EMCN: variants seen among roughly 807,000 people sequenced by gnomAD.
The protein encoded by EMCN is MUC-14.
EMCN carries 37 observed loss-of-function variants against 38.4 expected under a neutral mutation model. That is an observed-to-expected ratio of 0.96 (90% CI 0.74 to 1.27). EMCN has a LOEUF of 1.27. EMCN is among the 50% of genes most tolerant of loss of function. The pLI, the probability that EMCN is intolerant of heterozygous loss-of-function variation, is 0.00. For synonymous variants in EMCN, 95 were observed against 100.8 expected (o/e 0.94, Z 0.35); for missense variants, 318 against 302.8 (o/e 1.05, Z -0.37).
chr4:100,478,538 AAG>A (rs904634753), intron 2 of EMCN, among the ~76,000 whole-genome samples: 1 of 152,132 alleles, frequency 6.6e-6, no homozygotes, highest in African/African-American at 2.4e-5. Flanking sequence ...CAACCAAATT[AAG>A]AGAGAGAGTG....
chr4:100,503,070 A>C (rs571513859), intron 1 of EMCN, among the ~76,000 whole-genome samples: 1 of 152,214 alleles, frequency 6.6e-6, no homozygotes, highest in East Asian at 1.9e-4. Flanking sequence ...TTGTAACATA[A>C]GTTGGAAAAT....
intron 5 of EMCN, among the ~76,000 whole-genome samples, chr4:100,425,149 G>GCACACACACACACACA (rs57293882): frequency 0.014 from 1,914 of 141,180 alleles, 31 homozygotes; most frequent in East Asian, 0.045. Flanking sequence ...TCTGAATCCA[G>GCACACACACACACACA]CACACACACA....
At chr4:100,451,332 T>C (rs539536830) in intron 4 of EMCN, among the ~76,000 whole-genome samples, 1 of 151,958 alleles carries the variant, frequency 6.6e-6, no homozygotes, top group South Asian at 2.1e-4. Flanking sequence ...TAAAATCTAG[T>C]AGAGGTCCTT....
intron 11 of EMCN, among the ~76,000 whole-genome samples, chr4:100,404,855 GT>G (rs1726351594): frequency 6.6e-6 from 1 of 152,032 alleles, no homozygotes; most frequent in Non-Finnish European, 1.5e-5. Flanking sequence ...AACATGCAAT[GT>G]TTTTCCATTG....
rs187472655 is a variant in EMCN, at chr4:100,439,712, A to G, written c.415+7821T>C. Among the ~76,000 whole-genome samples the G allele has an allele frequency of 1.6e-3, 250 of 151,790 alleles. 1 individual carries two copies. The highest frequency in any genetic ancestry group is 5.8e-3 in the African/African-American group (242 of 41,486). ...TTCTTTTGTTAGTTCCTTGAAGTGT[A>G]ATGTTAGATTACTTATTTGAGATTC... On this transcript the variant is annotated intron_variant, in intron 5 of 11. Coordinates refer to ENST00000296420, the MANE Select transcript of EMCN (RefSeq NM_016242.4).
At chr4:100,423,770 GT>G (rs896339510) in intron 5 of EMCN, among the ~76,000 whole-genome samples, 1 of 151,942 alleles carries the variant, frequency 6.6e-6, no homozygotes, top group South Asian at 2.1e-4. Flanking sequence ...GGGTGATAGT[GT>G]TTTTTTTCTA....
At chr4:100,428,412 C>A (rs1193041073) in intron 5 of EMCN, among the ~76,000 whole-genome samples, 4 of 152,128 alleles carry the variant, frequency 2.6e-5, no homozygotes, top group African/African-American at 9.7e-5. Context: ...TGCTTGTGAT[C>A]CCTTCCTCCT....
chr4:100,426,595 C>A (rs1011795943), intron 5 of EMCN, among the ~76,000 whole-genome samples: 1 of 152,118 alleles, frequency 6.6e-6, no homozygotes, highest in Admixed American at 6.6e-5. Context: ...CTTCTCTGAA[C>A]ATTCAGATTA....
chr4:100,482,483 G>A (rs1728837218), intron 1 of EMCN, among the ~76,000 whole-genome samples: 1 of 152,098 alleles, frequency 6.6e-6, no homozygotes, highest in Admixed American at 6.6e-5. Flanking sequence ...TAGGAGCTAG[G>A]GCTGGAAGAG....
Position 100,497,727 on chromosome 4 carries a change from G to A in EMCN, c.65-17688C>T, listed in dbSNP as rs1217746170. 2.6e-5 allele frequency among the ~76,000 whole-genome samples: 4 copies of A among 151,894 alleles called. No individual in the cohort carries two copies. In the East Asian group the frequency reaches 7.7e-4, roughly 29 times the overall value. ...GTTGAACTTCATTTTTAAGGTCTTG[G>A]ATAATACTAAGGAAAATGACAATAT... On this transcript the variant is annotated intron_variant, in intron 1 of 11. Coordinates refer to ENST00000296420, the MANE Select transcript of EMCN (RefSeq NM_016242.4).
chr4:100,492,624 A>G (rs990996533), intron 1 of EMCN, among the ~76,000 whole-genome samples: 6 of 152,208 alleles, frequency 3.9e-5, no homozygotes, highest in Admixed American at 3.9e-4. Context: ...AACTACCAAA[A>G]CATTAAAGAT....
chr4:100,437,998 A>G (rs1560614714), intron 5 of EMCN, among the ~76,000 whole-genome samples: 1 of 152,050 alleles, frequency 6.6e-6, no homozygotes, highest in Non-Finnish European at 1.5e-5. Flanking sequence ...TTGACATTTT[A>G]ACAATATAAA....
intron 11 of EMCN, among the ~76,000 whole-genome samples, chr4:100,405,582 G>A (rs1199603887): frequency 4.6e-5 from 7 of 152,022 alleles, no homozygotes; most frequent in Admixed American, 3.9e-4. Flanking sequence ...CTTGATCATG[G>A]TGGATTAGCT....
intron 1 of EMCN, among the ~76,000 whole-genome samples, chr4:100,501,604 A>T (rs933105353): frequency 6.6e-6 from 1 of 152,120 alleles, no homozygotes; most frequent in African/African-American, 2.4e-5. Flanking sequence ...TGTATTCCAC[A>T]TACTGGATTG....
At chr4:100,514,287 T>C (rs559040138) in intron 1 of EMCN, among the ~76,000 whole-genome samples, 1 of 152,120 alleles carries the variant, frequency 6.6e-6, no homozygotes, top group East Asian at 1.9e-4. Context: ...CATTTTCCTA[T>C]TTCTGGTATT....
intron 3 of EMCN, among the ~76,000 whole-genome samples, chr4:100,471,559 A>G (rs1578215764): frequency 6.6e-6 from 1 of 152,006 alleles, no homozygotes; most frequent in African/African-American, 2.4e-5. Flanking sequence ...AAAAATTAGT[A>G]GAGAAGGGAA....
intron 1 of EMCN, among the ~76,000 whole-genome samples, chr4:100,501,326 A>T (rs1560643200): frequency 6.6e-6 from 1 of 152,136 alleles, no homozygotes; most frequent in East Asian, 1.9e-4. Context: ...CTGCTCCGTT[A>T]TACCATCTTT....
intron 1 of EMCN, among the ~76,000 whole-genome samples, chr4:100,502,785 G>A (rs756584361): frequency 1.3e-4 from 20 of 152,044 alleles, no homozygotes; most frequent in Non-Finnish European, 2.9e-5. Flanking sequence ...ATTTTTATCA[G>A]CAATAAATAT....
chr4:100,470,842 A>G (rs892568689), intron 3 of EMCN, among the ~76,000 whole-genome samples: 3 of 152,062 alleles, frequency 2.0e-5, no homozygotes, highest in African/African-American at 4.8e-5. Flanking sequence ...ATGAGAACAC[A>G]TGAACACATA....
Sources: allele counts gnomAD v4.1 joint callset (sites outside exome capture counted in the v4.1 genomes callset), GRCh38; gene constraint gnomAD v4.1.1; transcripts MANE v1.5; gene names NCBI Gene and HGNC (gene_info 2026-07-23, HGNC 2026-07-21).